CDK17: variants seen among roughly 807,000 people sequenced by gnomAD.
CDK17 encodes cyclin dependent kinase 17.
CDK17 carries 24 observed loss-of-function variants against 77.6 expected under a neutral mutation model. The observed-to-expected ratio is 0.31, with a 90% CI of 0.22 to 0.44. The LOEUF (loss-of-function observed/expected upper bound fraction) is 0.44. Among genes scored for constraint, CDK17 ranks in the 20% least tolerant of loss-of-function variants. CDK17 has a pLI of 1.00. For missense variants in CDK17, 429 were observed against 622.5 expected, an observed-to-expected ratio of 0.69 and a Z score of 3.31; for synonymous variants, 203 against 210.4, an observed-to-expected ratio of 0.96 and a Z score of 0.30.
chr12:96,280,546 G>A, intron 16 of CDK17: 8 of 1,411,566 alleles, frequency 5.7e-6, no homozygotes, highest in Non-Finnish European at 7.4e-6. Flanking sequence ...GATCAAGCCA[G>A]GTCACTTGTA....
intron 5 of CDK17, chr12:96,303,543 T>C (rs1356573698): frequency 1.3e-5 from 2 of 152,154 alleles, no homozygotes; most frequent in Admixed American, 1.3e-4. Flanking sequence ...AGAGCCCCCT[T>C]AATGCTGCTT....
At chr12:96,371,322 A>T (rs920665436) in intron 1 of CDK17, among the ~76,000 whole-genome samples, 2 of 152,226 alleles carry the variant, frequency 1.3e-5, no homozygotes, top group African/African-American at 4.8e-5. Context: ...ATGGTGACAT[A>T]TCATGACCCA....
At chr12:96,355,497 C>T (rs533767491) in intron 1 of CDK17, among the ~76,000 whole-genome samples, 42 of 150,126 alleles carry the variant, frequency 2.8e-4, no homozygotes, top group Non-Finnish European at 4.3e-4. Context: ...CCCTGCCTCC[C>T]GGGTTCAAGC....
rs375379762 is a variant in CDK17, at chr12:96,304,293, C to T, written c.544-3933G>A. 8.5e-5 allele frequency among the ~76,000 whole-genome samples: 13 copies of T among 152,292 alleles called. 1 individual carries two copies. The Middle Eastern group carries it at 0.014, about 159-fold the overall frequency. On this transcript the variant is annotated intron_variant, in intron 5 of 16. Transcript: ENST00000261211. ...GTGGCTCATGCCTGTAATCCCAGCA[C>T]TTTCGGAGGCCGAGAAGGGCGGATC... is the stretch of plus-strand genomic sequence containing the variant.
chr12:96,384,865 C>G (rs1953947066), intron 1 of CDK17, among the ~76,000 whole-genome samples: 1 of 151,702 alleles, frequency 6.6e-6, no homozygotes, highest in Non-Finnish European at 1.5e-5. Context: ...TCAAAGTTAG[C>G]CAGGTGTGGT....
intron 1 of CDK17, among the ~76,000 whole-genome samples, chr12:96,346,559 C>T (rs991334830): frequency 5.3e-5 from 8 of 151,510 alleles, no homozygotes; most frequent in African/African-American, 1.7e-4. Flanking sequence ...ATCCGAGAAG[C>T]GCAGCTTGCA....
At position 96,400,360 on chromosome 12, in the gene CDK17, C is replaced by G. The variant is rs981076598; in HGVS notation, c.-404G>C. 21 of 386,124 alleles carry G rather than the reference C, an allele frequency of 5.4e-5. No individual in the cohort carries two copies. The Admixed American group carries it at 6.7e-4, about 12-fold the overall frequency. The allele number at this position is 386,124 out of a possible 1,614,324, so 23.9% of individuals were successfully genotyped here. On this transcript the variant is annotated 5_prime_UTR_variant, in exon 1 of 17. Coordinates refer to ENST00000261211, the MANE Select transcript of CDK17 (RefSeq NM_002595.5). The stretch of plus-strand genomic sequence containing the variant: ...CCTTCTCCGCGGCTCTGCGGCGGCC[C>G]GCGGGGAGCTCAGGAGACTGCGGGC...
chr12:96,308,962 C>T (rs1033780238), intron 5 of CDK17, among the ~76,000 whole-genome samples: 1 of 151,928 alleles, frequency 6.6e-6, no homozygotes, highest in South Asian at 2.1e-4. Flanking sequence ...TTCTCCCTGC[C>T]TCTAGTCTTT....
chr12:96,311,090 C>A lies in CDK17; in HGVS notation c.505G>T (p.Asp169Tyr). Residue 169 changes from aspartate (D) to tyrosine (Y), a missense_variant, in exon 5 of 17, where the codon GAC (aspartate) becomes TAC (tyrosine). Coordinates refer to ENST00000261211, the MANE Select transcript of CDK17 (RefSeq NM_002595.5). ...CGAGACCTTCGACTCATTGGTTGGT[C>A]AAATGGTGGACTGTTTATCTGCAAC... ...EKLQINSPPF[D>Y]QPMSRRSRRA... The A allele has an allele frequency of 6.2e-7, 1 of 1,602,242 alleles. No homozygotes were observed. The highest frequency in any genetic ancestry group is 1.1e-5 in the South Asian group (1 of 88,832).
At chr12:96,339,747 T>C (rs986094523) in intron 1 of CDK17, among the ~76,000 whole-genome samples, 6 of 151,952 alleles carry the variant, frequency 3.9e-5, no homozygotes, top group African/African-American at 1.5e-4. Context: ...CTGGTCAACA[T>C]GGCAAAACTC....
intron 1 of CDK17, among the ~76,000 whole-genome samples, chr12:96,359,953 G>A (rs1298594337): frequency 1.3e-5 from 2 of 151,826 alleles, no homozygotes; most frequent in African/African-American, 2.4e-5. Context: ...CCACTATAAA[G>A]GAAATAAAGC....
intron 1 of CDK17, among the ~76,000 whole-genome samples, chr12:96,379,757 T>C (rs1408272105): frequency 6.6e-6 from 1 of 152,168 alleles, no homozygotes; most frequent in Non-Finnish European, 1.5e-5. Context: ...TATCTCTTAT[T>C]TCCCCAAACA....
chr12:96,283,458 T>C, intron 14 of CDK17, 145 bp downstream of exon 14: 2 of 669,288 alleles, frequency 3.0e-6, no homozygotes, highest in Non-Finnish European at 5.3e-6. Flanking sequence ...TTTTTTTTTT[T>C]TTTTTTAACT....
chr12:96,400,105 A>G lies in CDK17; in HGVS notation c.-149T>C, dbSNP rs1954236574. 1 of 392,334 alleles carries G rather than the reference A, an allele frequency of 2.5e-6. No homozygotes were observed. Among genetic ancestry groups the G allele is most frequent in the East Asian group, 3.6e-5 (1 of 27,642 alleles). 24.3% of individuals were successfully genotyped at this position (392,334 alleles called of 1,614,324 possible). A position where few individuals can be genotyped will look rare whatever the true frequency, so the allele number is the denominator to read the frequency against. ...CGGGTCTCAGCGGCCGGCAGACGTG[A>G]GGCGCTTCCGAGCGCAGGCCTCCGC... On this transcript the variant is annotated 5_prime_UTR_variant, in exon 1 of 17. Transcript: ENST00000261211.
chr12:96,327,234 A>C (rs1161256351), intron 2 of CDK17, among the ~76,000 whole-genome samples: 2 of 152,120 alleles, frequency 1.3e-5, no homozygotes, highest in African/African-American at 4.8e-5. Flanking sequence ...TTTCTATATA[A>C]TCTTTGTAAC....
chr12:96,298,197 GA>G (rs1360856050), intron 7 of CDK17, among the ~76,000 whole-genome samples: 1 of 151,666 alleles, frequency 6.6e-6, no homozygotes, highest in African/African-American at 2.4e-5. Flanking sequence ...TAAGGCAGGA[GA>G]ATGGCGTGAA....
intron 1 of CDK17, among the ~76,000 whole-genome samples, chr12:96,388,402 C>T (rs941094638): frequency 5.3e-5 from 8 of 152,150 alleles, no homozygotes; most frequent in Admixed American, 2.0e-4. Flanking sequence ...CCACCTCCAC[C>T]CCCAAACATA....
intron 1 of CDK17, among the ~76,000 whole-genome samples, chr12:96,338,722 C>CT (rs953911109): frequency 6.7e-6 from 1 of 149,506 alleles, no homozygotes. Context: ...TAGTTATTAA[C>CT]TTTTTTTTTG....
chr12:96,335,246 A>T (rs1366668743), intron 1 of CDK17: 8 of 315,360 alleles, frequency 2.5e-5, no homozygotes, highest in Admixed American at 4.6e-5. Flanking sequence ...CCAGCCAGTG[A>T]TATCTTCAGA....
Sources: allele counts gnomAD v4.1 joint callset (sites outside exome capture counted in the v4.1 genomes callset), GRCh38; gene constraint gnomAD v4.1.1; transcripts MANE v1.5; gene names NCBI Gene and HGNC (gene_info 2026-07-23, HGNC 2026-07-21).